LRRC20: variants seen among roughly 807,000 people sequenced by gnomAD.
The protein encoded by LRRC20 is leucine-rich repeat-containing protein 20.
Under a neutral mutation model 14.4 loss-of-function variants are expected in LRRC20, and 11 were observed. The ratio of observed to expected loss-of-function variants is 0.77; its 90% confidence interval spans 0.48 to 1.27. LRRC20 has a LOEUF of 1.27. LRRC20 is among the 50% of genes most tolerant of loss of function. LRRC20 has a pLI of 0.00. For missense variants in LRRC20, 219 were observed against 251.2 expected (o/e 0.87, Z 0.87); for synonymous variants, 121 against 107.3 (o/e 1.13, Z -0.79).
intron 2 of LRRC20, among the ~76,000 whole-genome samples, chr10:70,350,535 G>T (rs532254837): frequency 6.6e-6 from 1 of 152,332 alleles, no homozygotes; most frequent in African/African-American, 2.4e-5. Flanking sequence ...CAAGAAGACA[G>T]AACACTCAGC....
intron 2 of LRRC20, among the ~76,000 whole-genome samples, chr10:70,352,437 G>A (rs1199108552): frequency 1.3e-5 from 2 of 152,164 alleles, no homozygotes; most frequent in African/African-American, 4.8e-5. Flanking sequence ...TTTTATCAGT[G>A]GCAAGGGATT....
At position 70,340,555 on chromosome 10, in the gene LRRC20, C is replaced by T. The variant is rs376779434; in HGVS notation, c.230G>A (p.Arg77Gln). The change falls in exon 3 of 5, where the codon CGA becomes CAA. Residue 77 changes from arginine (R) to glutamine (Q), a missense_variant and splice_region_variant. Physicochemically the swap from Arg to Gln is conservative, Grantham distance 43. Coordinates refer to ENST00000446961, the MANE Select transcript of LRRC20 (RefSeq NM_001278212.2). ...GGCTGGAGCTGACCAGGGCCTACCT[C>T]GGAGCTGACTGAATGTGGTCATGAA... Reference protein sequence around the residue: ...SKFMTTFSQLRELHLEGNFLH... With the variant: ...SKFMTTFSQLQELHLEGNFLH... 34 of 1,613,968 alleles carry T rather than the reference C, an allele frequency of 2.1e-5. No individual in the cohort carries two copies. The highest frequency in any genetic ancestry group is 5.3e-5 in the African/African-American group (4 of 74,918).
chr10:70,327,144 A>C (rs1006389382), intron 3 of LRRC20, among the ~76,000 whole-genome samples: 1 of 152,244 alleles, frequency 6.6e-6, no homozygotes, highest in Non-Finnish European at 1.5e-5. Context: ...GTGGAAGCTA[A>C]TGTGGGGGCT....
At chr10:70,364,376 A>G (rs1843884928) in intron 2 of LRRC20, among the ~76,000 whole-genome samples, 1 of 152,350 alleles carries the variant, frequency 6.6e-6, no homozygotes, top group South Asian at 2.1e-4. Context: ...TCCCGGGCAC[A>G]TGCATTGCCC....
chr10:70,302,648 G>T (rs777960931), intron 4 of LRRC20, among the ~76,000 whole-genome samples: 6 of 152,008 alleles, frequency 3.9e-5, no homozygotes, highest in African/African-American at 7.2e-5. Context: ...TGAGGCAGGA[G>T]AATCTCTTGA....
chr10:70,325,088 C>A (rs770060501), intron 3 of LRRC20, among the ~76,000 whole-genome samples: 2 of 152,074 alleles, frequency 1.3e-5, no homozygotes, highest in Admixed American at 6.5e-5. Context: ...CTGTCTGACC[C>A]GAGGGAAACT....
chr10:70,353,804 C>T (rs965040880), intron 2 of LRRC20, among the ~76,000 whole-genome samples: 64 of 152,232 alleles, frequency 4.2e-4, no homozygotes, highest in African/African-American at 1.5e-3. Flanking sequence ...ATATGTAACC[C>T]GCATTCAGGA....
chr10:70,380,951 TGG>T (rs1409295854), intron 1 of LRRC20, among the ~76,000 whole-genome samples: 1 of 152,090 alleles, frequency 6.6e-6, no homozygotes, highest in Non-Finnish European at 1.5e-5. Flanking sequence ...GCACATGGCA[TGG>T]CCAGGGGGAA....
chr10:70,370,276 G>A (rs1271988377), intron 2 of LRRC20, among the ~76,000 whole-genome samples: 1 of 152,142 alleles, frequency 6.6e-6, no homozygotes, highest in Non-Finnish European at 1.5e-5. Context: ...TCAGGCACCT[G>A]ACCAAAGCAA....
intron 4 of LRRC20, among the ~76,000 whole-genome samples, chr10:70,322,706 C>T (rs1842133468): frequency 6.6e-6 from 1 of 152,158 alleles, no homozygotes; most frequent in African/African-American, 2.4e-5. Flanking sequence ...GGGCACAGGG[C>T]TGTTGTGGAA....
chr10:70,308,574 C>T (rs1004133277), intron 4 of LRRC20, among the ~76,000 whole-genome samples: 4 of 152,094 alleles, frequency 2.6e-5, no homozygotes, highest in African/African-American at 9.7e-5. Flanking sequence ...GGAGCTGTGT[C>T]CCCAATAAGA....
chr10:70,312,815 G>A (rs532632465), intron 4 of LRRC20, among the ~76,000 whole-genome samples: 1 of 152,300 alleles, frequency 6.6e-6, no homozygotes, highest in Admixed American at 6.5e-5. Flanking sequence ...CAGGGAGGAG[G>A]GGGCTAGTGA....
chr10:70,353,824 A>G (rs1221128830), intron 2 of LRRC20, among the ~76,000 whole-genome samples: 1 of 152,198 alleles, frequency 6.6e-6, no homozygotes, highest in Non-Finnish European at 1.5e-5. Flanking sequence ...ACAGCCTGCC[A>G]TGCTGAAACA....
intron 4 of LRRC20, among the ~76,000 whole-genome samples, chr10:70,308,911 C>T (rs1388397650): frequency 1.7e-4 from 26 of 152,218 alleles, no homozygotes. Flanking sequence ...CCTGGCCTCG[C>T]TCGTCCCAGC....
At chr10:70,319,327 C>T (rs1418812171) in intron 4 of LRRC20, among the ~76,000 whole-genome samples, 1 of 152,186 alleles carries the variant, frequency 6.6e-6, no homozygotes, top group African/African-American at 2.4e-5. Flanking sequence ...GATTGAATTG[C>T]TAAGCAGCAC....
At chr10:70,349,421 T>C (rs1281027253) in intron 2 of LRRC20, among the ~76,000 whole-genome samples, 1 of 151,926 alleles carries the variant, frequency 6.6e-6, no homozygotes, top group East Asian at 1.9e-4. Context: ...CTAATAAAAA[T>C]ACAAAAAGTA....
At chr10:70,328,243 C>G (rs1695469575) in intron 3 of LRRC20, among the ~76,000 whole-genome samples, 1 of 152,078 alleles carries the variant, frequency 6.6e-6, no homozygotes, top group African/African-American at 2.4e-5. Flanking sequence ...TAAGCACCTA[C>G]TATATGCTCA....
rs1491306853 is a variant in LRRC20 at position 70,306,103 on chromosome 10, T to TCG, written c.401-4596_401-4595insCG. On this transcript the variant is annotated intron_variant, in intron 4 of 4. Transcript: ENST00000446961. ...CTATCATTTGTGCATGCATTTTCTG[T>TCG]CTCTCTCTCTCTCTCTCTCTCTCTC... 1.1e-3 allele frequency among the ~76,000 whole-genome samples: 5 copies of TCG among 4,654 alleles called. No individual in the cohort carries two copies. In the Non-Finnish European group the frequency reaches 0.016, roughly 15 times the overall value. 3.1% of individuals were successfully genotyped at this position (4,654 alleles called of 152,430 possible).
At chr10:70,307,020 C>A (rs1438210612) in intron 4 of LRRC20, among the ~76,000 whole-genome samples, 1 of 152,234 alleles carries the variant, frequency 6.6e-6, no homozygotes, top group Non-Finnish European at 1.5e-5. Context: ...ATGGCTCCAG[C>A]ACTTTTTGGA....
Sources: gnomAD v4.1 joint callset for allele counts (sites outside exome capture counted in the v4.1 genomes callset) on GRCh38, gnomAD v4.1.1 for gene constraint, MANE v1.5 for transcripts, NCBI Gene and HGNC (gene_info 2026-07-23, HGNC 2026-07-21) for gene names.